SLC9C1: variants seen among roughly 807,000 people sequenced by gnomAD.
SLC9C1 encodes solute carrier family 9 member C1.
A neutral mutation model predicts 140.9 loss-of-function variants in SLC9C1; 97 were observed. That is an observed-to-expected ratio of 0.69 (90% CI 0.58 to 0.82). The LOEUF (loss-of-function observed/expected upper bound fraction) is 0.82, where lower values mean the gene tolerates loss of function less well. Ranked by LOEUF, SLC9C1 falls within the 40% of genes least tolerant of loss-of-function variation. The pLI is 0.00. For synonymous variants in SLC9C1, 440 were observed against 442.6 expected, an observed-to-expected ratio of 0.99 and a Z score of 0.07; for missense variants, 1,340 against 1,389.3, an observed-to-expected ratio of 0.96 and a Z score of 0.56.
chr3:112,270,590 C>A (rs13090432), intron 6 of SLC9C1, among the ~76,000 whole-genome samples: 45,086 of 152,122 alleles, frequency 0.3, 7,248 homozygotes, highest in East Asian at 0.43. Context: ...CCGAGGTGGG[C>A]AGATCACTTG....
intron 15 of SLC9C1, among the ~76,000 whole-genome samples, chr3:112,208,987 G>A (rs13079745): frequency 0.4 from 60,813 of 151,876 alleles, 12,690 homozygotes; most frequent in East Asian, 0.63. Context: ...TTGAAAAATA[G>A]CTTCCATATT....
intron 20 of SLC9C1, among the ~76,000 whole-genome samples, chr3:112,187,960 T>C (rs2077571493): frequency 6.6e-6 from 1 of 151,956 alleles, no homozygotes; most frequent in Non-Finnish European, 1.5e-5. Flanking sequence ...TATATAGATA[T>C]TTAAAATTCT....
chr3:112,153,755 A>G (rs2075051825), intron 27 of SLC9C1, among the ~76,000 whole-genome samples: 1 of 152,236 alleles, frequency 6.6e-6, no homozygotes, highest in Non-Finnish European at 1.5e-5. Context: ...GCCGAAGGTC[A>G]CGTGGCTATT....
chr3:112,167,146 G>A, intron 26 of SLC9C1, 75 bp downstream of exon 26: 1 of 1,536,026 alleles, frequency 6.5e-7, no homozygotes, highest in East Asian at 2.3e-5. Context: ...GCAAACAACA[G>A]TTTCCAAATA....
intron 1 of SLC9C1, among the ~76,000 whole-genome samples, chr3:112,288,322 C>G (rs952029370): frequency 6.6e-6 from 1 of 152,040 alleles, no homozygotes; most frequent in African/African-American, 2.4e-5. Context: ...TCTAGTGGCT[C>G]TTACAGGTTT....
At chr3:112,183,344 C>CTTTTTTT (rs1159788975) in intron 20 of SLC9C1, among the ~76,000 whole-genome samples, 1 of 20,962 alleles carries the variant, frequency 4.8e-5, no homozygotes, top group Non-Finnish European at 8.1e-5. Context: ...TATTTAGCAC[C>CTTTTTTT]TTTTCTTTTT....
intron 28 of SLC9C1, 61 bp downstream of exon 28, chr3:112,151,796 A>G: frequency 7.4e-7 from 1 of 1,352,898 alleles, no homozygotes; most frequent in Middle Eastern, 1.8e-4. Flanking sequence ...CTTTGGCTTC[A>G]GTCTGTATCT....
chr3:112,189,153 C>T (rs2077598966), intron 20 of SLC9C1, among the ~76,000 whole-genome samples: 1 of 152,138 alleles, frequency 6.6e-6, no homozygotes, highest in Admixed American at 6.5e-5. Flanking sequence ...GGGTAGATTG[C>T]AAAAATTTTC....
At chr3:112,286,677 C>T (rs1028820803) in intron 2 of SLC9C1, 27 bp downstream of exon 2, 4 of 1,558,594 alleles carry the variant, frequency 2.6e-6, no homozygotes, top group Non-Finnish European at 3.5e-6. Context: ...GAAGAATAAA[C>T]TCAGATAAAG....
rs1185880868 is a variant in SLC9C1, at chr3:112,221,170, A to G, written c.1628T>C (p.Val543Ala). ...NEILSQSAVQ[V>A]LVGAAESFGE... ...AAAACTTTCTGCTGCACCAACCAAC[A>G]CCTGGACAGCACTCTGGGACAGAAT... Residue 543 changes from valine to alanine, a missense_variant, in exon 14 of 29, where the codon GTG becomes GCG. Val to Ala is a moderately conservative substitution (Grantham distance 64). Transcript: ENST00000305815. 6.2e-7 allele frequency: 1 copy of G among 1,613,526 alleles called. No homozygotes were observed. The highest frequency in any genetic ancestry group is 1.1e-5 in the South Asian group (1 of 91,010).
At chr3:112,281,591 T>G (rs1444285369) in intron 2 of SLC9C1, among the ~76,000 whole-genome samples, 2 of 152,200 alleles carry the variant, frequency 1.3e-5, no homozygotes, top group African/African-American at 4.8e-5. Context: ...TGCATGGGTC[T>G]TAGAAGATAA....
chr3:112,231,138 T>C (rs79928395), intron 13 of SLC9C1, among the ~76,000 whole-genome samples: 44,186 of 141,464 alleles, frequency 0.31, 6,594 homozygotes, highest in East Asian at 0.37. Context: ...CTCTCTCTCT[T>C]TTTCTCCCTT....
chr3:112,166,875 T>A (rs2077149518), intron 26 of SLC9C1, among the ~76,000 whole-genome samples: 2 of 152,128 alleles, frequency 1.3e-5, no homozygotes, highest in Admixed American at 6.5e-5. Flanking sequence ...TTCATCTAGT[T>A]CCAGTGATTT....
chr3:112,207,622 T>C (rs1156339233), intron 16 of SLC9C1, among the ~76,000 whole-genome samples: 1 of 152,218 alleles, frequency 6.6e-6, no homozygotes, highest in East Asian at 1.9e-4. Flanking sequence ...TGTCATGGTG[T>C]TGTTTCTATG....
intron 10 of SLC9C1, among the ~76,000 whole-genome samples, chr3:112,256,880 A>G (rs894878587): frequency 3.3e-5 from 5 of 152,204 alleles, no homozygotes; most frequent in Admixed American, 2.6e-4. Flanking sequence ...ATACAAAATC[A>G]TCATACAAAA....
At chr3:112,291,084 C>A (rs2108378173) in intron 1 of SLC9C1, among the ~76,000 whole-genome samples, 1 of 152,270 alleles carries the variant, frequency 6.6e-6, no homozygotes, top group East Asian at 1.9e-4. Context: ...ATCTTGTCAG[C>A]ATGATGTTAG....
rs757139334 is a variant in SLC9C1, at chr3:112,240,018, A to G, written c.1280-12T>C. Reference sequence around the variant, plus strand: ...GGCATCACGAAGACCTTTGATACAAACACACATTTGATAAATAGTAGAAAC... The same window carrying G: ...GGCATCACGAAGACCTTTGATACAAGCACACATTTGATAAATAGTAGAAAC... On this transcript the variant is annotated splice_polypyrimidine_tract_variant and intron_variant, in intron 11 of 28. Coordinates refer to ENST00000305815, the MANE Select transcript of SLC9C1 (RefSeq NM_183061.3). 1.9e-5 allele frequency: 30 copies of G among 1,597,554 alleles called. No homozygotes were observed. The East Asian group carries it at 2.2e-4, about 12-fold the overall frequency.
intron 23 of SLC9C1, among the ~76,000 whole-genome samples, chr3:112,176,810 A>G (rs2077345676): frequency 6.6e-6 from 1 of 152,084 alleles, no homozygotes; most frequent in Non-Finnish European, 1.5e-5. Context: ...TGTCTCCACC[A>G]TGGGTGCTGT....
At chr3:112,168,076 T>G (rs1329558911) in intron 25 of SLC9C1, among the ~76,000 whole-genome samples, 1 of 152,222 alleles carries the variant, frequency 6.6e-6, no homozygotes, top group Non-Finnish European at 1.5e-5. Context: ...TGTAAGTGCT[T>G]TTATCCTAGC....
Sources: gnomAD v4.1 joint callset for allele counts (sites outside exome capture counted in the v4.1 genomes callset) on GRCh38, gnomAD v4.1.1 for gene constraint, MANE v1.5 for transcripts, NCBI Gene and HGNC (gene_info 2026-07-23, HGNC 2026-07-21) for gene names.